The following LOC128092252 variants were observed in gnomAD, a reference collection of about 807,000 sequenced individuals.
the LOC128092252 span, among the ~76,000 whole-genome samples, chr15:50,662,313 C>G: frequency 7.0e-6 from 1 of 142,718 alleles, no homozygotes; most frequent in African/African-American, 2.7e-5. Context: ...GACGACAGAG[C>G]AAGACTCTGT....
chr15:50,673,474 T>G, the LOC128092252 span, among the ~76,000 whole-genome samples: 2 of 152,134 alleles, frequency 1.3e-5, no homozygotes, highest in South Asian at 4.1e-4. Flanking sequence ...CTTATGCCTT[T>G]GCGTCCTCAT....
At chr15:50,661,217 C>T in the LOC128092252 span, among the ~76,000 whole-genome samples, 2 of 151,838 alleles carry the variant, frequency 1.3e-5, no homozygotes, top group African/African-American at 2.4e-5. Context: ...CCTCGTGATC[C>T]GCCCACCTCA....
chr15:50,648,820 G>C, the LOC128092252 span: 3 of 1,613,074 alleles, frequency 1.9e-6, no homozygotes, highest in East Asian at 2.2e-5. Flanking sequence ...TTTCACATCT[G>C]AGTATTTCAT....
chr15:50,666,163 G>A, the LOC128092252 span, among the ~76,000 whole-genome samples: 1 of 151,900 alleles, frequency 6.6e-6, no homozygotes. Flanking sequence ...TTGGTTCTTA[G>A]GTTAACAAAA....
chr15:50,678,241 AAAAAAAAAAAC>A, the LOC128092252 span, among the ~76,000 whole-genome samples: 2 of 145,336 alleles, frequency 1.4e-5, 1 homozygote, highest in African/African-American at 5.1e-5. Flanking sequence ...CTCTCTCTCA[AAAAAAAAAAAC>A]AAAAACAAAA....
the LOC128092252 span, among the ~76,000 whole-genome samples, chr15:50,670,514 C>T: frequency 6.6e-6 from 1 of 152,096 alleles, no homozygotes; most frequent in African/African-American, 2.4e-5. Flanking sequence ...TAATGTATCA[C>T]CATACTAAAA....
At chr15:50,658,045 C>T in the LOC128092252 span, among the ~76,000 whole-genome samples, 2 of 147,026 alleles carry the variant, frequency 1.4e-5, no homozygotes, top group African/African-American at 5.0e-5. Context: ...CGCTCTGTTG[C>T]CCAGGCTGGA....
chr15:50,663,927 C>A, the LOC128092252 span, among the ~76,000 whole-genome samples: 8 of 152,022 alleles, frequency 5.3e-5, no homozygotes, highest in East Asian at 3.9e-4. Flanking sequence ...CAGGCCACTG[C>A]ACTCCAGCCT....
At chr15:50,660,923 T>C in the LOC128092252 span, among the ~76,000 whole-genome samples, 1 of 151,818 alleles carries the variant, frequency 6.6e-6, no homozygotes, top group Non-Finnish European at 1.5e-5. Context: ...TGACCAATAG[T>C]AGAACAGGTA....
chr15:50,650,325 G>C, the LOC128092252 span, among the ~76,000 whole-genome samples: 3 of 151,626 alleles, frequency 2.0e-5, no homozygotes, highest in Non-Finnish European at 4.4e-5. Flanking sequence ...CCACCAGCCA[G>C]AGTAGAGATC....
At chr15:50,672,010 C>A in the LOC128092252 span, among the ~76,000 whole-genome samples, 1 of 151,976 alleles carries the variant, frequency 6.6e-6, no homozygotes, top group South Asian at 2.1e-4. Flanking sequence ...TACTAGACTA[C>A]GCTTTTTATG....
At chr15:50,655,983 G>T in the LOC128092252 span, among the ~76,000 whole-genome samples, 1 of 145,138 alleles carries the variant, frequency 6.9e-6, no homozygotes, top group Non-Finnish European at 1.5e-5. Flanking sequence ...AACAGGGCAA[G>T]ACTCCATCTC....
the LOC128092252 span, among the ~76,000 whole-genome samples, chr15:50,681,264 TACACACAC>T: frequency 6.1e-5 from 9 of 147,018 alleles, no homozygotes; most frequent in Middle Eastern, 3.5e-3. Context: ...AATAAATAAA[TACACACAC>T]ACACACACAC....
the LOC128092252 span, chr15:50,686,711 C>T: frequency 6.3e-6 from 5 of 798,912 alleles, no homozygotes; most frequent in Non-Finnish European, 9.4e-6. Context: ...GAAGCCGAGT[C>T]TTTCATAATT....
chr15:50,662,882 T>C, the LOC128092252 span: 1 of 923,356 alleles, frequency 1.1e-6, no homozygotes, highest in Non-Finnish European at 1.7e-6. Context: ...ATTTATTTAG[T>C]GGTTTTTGTT....
At chr15:50,655,485 T>G in the LOC128092252 span, among the ~76,000 whole-genome samples, 1 of 149,750 alleles carries the variant, frequency 6.7e-6, no homozygotes, top group South Asian at 2.1e-4. Context: ...GGTAAAAAAT[T>G]TGAACGTGCA....
the LOC128092252 span, among the ~76,000 whole-genome samples, chr15:50,676,936 C>G: frequency 6.6e-6 from 1 of 152,154 alleles, no homozygotes; most frequent in Non-Finnish European, 1.5e-5. Context: ...TCCAGGCAGC[C>G]CAGCTAAATA....
At chr15:50,679,599 A>T in the LOC128092252 span, among the ~76,000 whole-genome samples, 1 of 139,800 alleles carries the variant, frequency 7.2e-6, no homozygotes. Flanking sequence ...GCAGTGGCGC[A>T]ATCTGGAGTC....
the LOC128092252 span, among the ~76,000 whole-genome samples, chr15:50,682,682 C>T: frequency 6.6e-6 from 1 of 151,996 alleles, no homozygotes; most frequent in Non-Finnish European, 1.5e-5. Flanking sequence ...TAGAACTAAT[C>T]ATATTTGTAT....
Sources: gnomAD v4.1 joint callset for allele counts (sites outside exome capture counted in the v4.1 genomes callset) on GRCh38, gnomAD v4.1.1 for gene constraint, MANE v1.5 for transcripts.